Variants in GALNS observed in about 807,000 individuals in gnomAD.
GALNS encodes the protein galactosamine (N-acetyl)-6-sulfatase.
In GALNS, 65 loss-of-function variants were observed where a neutral mutation model predicts 65.9. The ratio of observed to expected loss-of-function variants is 0.99; its 90% CI spans 0.81 to 1.21. The LOEUF (loss-of-function observed/expected upper bound fraction) is 1.21. Among genes scored for constraint, GALNS ranks in the 50% most tolerant of loss-of-function variants. The pLI is 0.00. For synonymous variants in GALNS, 346 were observed against 288.9 expected, an observed-to-expected ratio of 1.20 and a Z score of -2.00; for missense variants, 776 against 700.7, an observed-to-expected ratio of 1.11 and a Z score of -1.21.
At chr16:88,855,694 C>T (rs1967798947) in intron 1 of GALNS, 1 of 593,220 alleles carries the variant, frequency 1.7e-6, no homozygotes, top group Non-Finnish European at 3.0e-6. Context: ...CATTATTTTT[C>T]TTTCACCAAG....
At chr16:88,841,129 C>A (rs1330484022) in intron 3 of GALNS, 35 bp from the exon 4 acceptor site, 12 of 1,548,276 alleles carry the variant, frequency 7.8e-6, no homozygotes, top group Non-Finnish European at 9.8e-6. Context: ...CCCGAGGAGA[C>A]CCCGAGAAGC....
At chr16:88,835,679 G>T (rs1297625729) in intron 7 of GALNS, 46 bp downstream of exon 7, 2 of 1,612,414 alleles carry the variant, frequency 1.2e-6, no homozygotes, top group African/African-American at 2.7e-5. Flanking sequence ...GTCAAGCACA[G>T]CTGGGGCCTC....
chr16:88,826,748 C>T lies in GALNS; in HGVS notation c.1093G>A (p.Gly365Ser). 1 of 1,612,078 alleles carries T rather than the reference C, an allele frequency of 6.2e-7. No homozygotes were observed. The highest frequency in any genetic ancestry group is 8.5e-7 in the Non-Finnish European group (1 of 1,179,588). ...LTPPSDRAID[G>S]LNLLPTLLQG... ...AGGAGGGTGGGGAGGAGGTTGAGGC[C>T]ATCAATGGCCCTGTCGCTGGGCGGC... Residue 365 changes from glycine to serine, a missense_variant, in exon 10 of 14, where the codon GGC (glycine) becomes AGC (serine). By Grantham distance (56) the Gly-to-Ser change is moderately conservative. Transcript: ENST00000268695.
At position 88,813,828 on chromosome 16, in the gene GALNS, T is replaced by C. The variant is rs1135364; in HGVS notation, c.*611A>G. 0.26 allele frequency: 41,344 copies of C among 156,244 alleles called. 5,753 individuals are homozygous for C. The highest frequency in any genetic ancestry group is 0.53 in the East Asian group (2,800 of 5,276). 9.7% of individuals were successfully genotyped at this position (156,244 alleles called of 1,614,324 possible). ...CTACACGCCTCCCTCATAATTAGCG[T>C]CCAGGGAAATTCCTTGTGGACAAAG... On this transcript the variant is annotated 3_prime_UTR_variant, in exon 14 of 14. Transcript: ENST00000268695.
chr16:88,836,597 T>G (rs1377962385), intron 5 of GALNS, among the ~76,000 whole-genome samples: 1 of 150,242 alleles, frequency 6.7e-6, no homozygotes, highest in African/African-American at 2.5e-5. Flanking sequence ...GAGGTTGCAG[T>G]GAGCCGAGAT....
rs1295875241 is a variant in GALNS at position 88,826,793 on chromosome 16, G to C, written c.1048C>G (p.Leu350Val). 1.2e-6 allele frequency: 2 copies of C among 1,600,066 alleles called. No individual in the cohort carries two copies. The highest frequency in any genetic ancestry group is 1.7e-6 in the Non-Finnish European group (2 of 1,174,056). Residue 350 changes from leucine (L) to valine (V), a missense_variant, in exon 10 of 14, where the codon CTG (leucine) becomes GTG (valine). Transcript: ENST00000268695. ...GSIMDLFTTS[L>V]ALAGLTPPSD... ...GGCGGCGTCAGGCCCGCAAGGGCCA[G>C]GCTGGTGGTGAAGAGGTCCATGATG... is the stretch of plus-strand genomic sequence containing the variant.
rs182359717 is a variant in GALNS, at chr16:88,834,644, G to A, written c.898+569C>T. On this transcript the variant is annotated intron_variant, in intron 8 of 13. Coordinates refer to ENST00000268695, the MANE Select transcript of GALNS (RefSeq NM_000512.5). Reference sequence around the variant, plus strand: ...GGAAGAGGCTGCAGGGCCCCCCCCCGCGTGGTCTGGGAAGAGGCGGGTTCA... The same window carrying A: ...GGAAGAGGCTGCAGGGCCCCCCCCCACGTGGTCTGGGAAGAGGCGGGTTCA... Among the ~76,000 whole-genome samples the A allele has an allele frequency of 3.7e-5, 5 of 133,498 alleles. 1 individual carries two copies. The highest frequency in any genetic ancestry group is 5.1e-4 in the South Asian group (2 of 3,934). 87.6% of individuals were successfully genotyped at this position (133,498 alleles called of 152,430 possible).
At chr16:88,831,885 G>A (rs892791719) in intron 9 of GALNS, 113 bp downstream of exon 9, 41 of 851,956 alleles carry the variant, frequency 4.8e-5, no homozygotes, top group Middle Eastern at 3.2e-4. Flanking sequence ...GGAGGAGAGC[G>A]GTGAGGATGA....
intron 10 of GALNS, among the ~76,000 whole-genome samples, chr16:88,826,403 G>A (rs193005099): frequency 1.7e-4 from 26 of 151,788 alleles, no homozygotes; most frequent in African/African-American, 4.4e-4. Flanking sequence ...GGGCAGGGGC[G>A]GCATGTGCCC....
At chr16:88,828,604 G>A (rs908231325) in intron 9 of GALNS, among the ~76,000 whole-genome samples, 2 of 152,218 alleles carry the variant, frequency 1.3e-5, no homozygotes, top group African/African-American at 2.4e-5. Flanking sequence ...AGGCAACTTG[G>A]TGGCTCTGGG....
chr16:88,833,105 A>G (rs1360224092), intron 8 of GALNS, among the ~76,000 whole-genome samples: 2 of 150,920 alleles, frequency 1.3e-5, no homozygotes, highest in African/African-American at 4.9e-5. Flanking sequence ...AAAAAAGAAA[A>G]TATTTTTCCG....
intron 12 of GALNS, among the ~76,000 whole-genome samples, chr16:88,820,975 G>C (rs1036372456): frequency 4.6e-5 from 7 of 152,102 alleles, no homozygotes; most frequent in Admixed American, 3.3e-4. Context: ...TGACTTCTGC[G>C]GGCACAGGGG....
intron 4 of GALNS, among the ~76,000 whole-genome samples, chr16:88,839,124 A>G (rs1912446916): frequency 6.6e-6 from 1 of 151,838 alleles, no homozygotes; most frequent in African/African-American, 2.4e-5. Context: ...TCCGCAGGTC[A>G]CCGCCCAACC....
At chr16:88,819,284 G>A (rs1471527363) in intron 12 of GALNS, among the ~76,000 whole-genome samples, 3 of 151,642 alleles carry the variant, frequency 2.0e-5, no homozygotes, top group Non-Finnish European at 4.4e-5. Context: ...GCGACCTTCA[G>A]GAGAGCTGGG....
rs747150704 is a variant in GALNS at position 88,826,689 on chromosome 16, G to T, written c.1139+13C>A. The T allele has an allele frequency of 6.2e-7, 1 of 1,611,854 alleles. No individual in the cohort carries two copies. Among genetic ancestry groups the T allele is most frequent in the Non-Finnish European group, 8.5e-7 (1 of 1,179,210 alleles). The stretch of plus-strand genomic sequence containing the variant: ...GGATCGGGGGAAGGGGCCGGGGCAG[G>T]TCTAGCACCAACCTGTCCATCAGCC... On this transcript the variant is annotated intron_variant, in intron 10 of 13. Transcript: ENST00000268695.
intron 10 of GALNS, 112 bp from the exon 11 acceptor site, chr16:88,824,981 G>A: frequency 6.0e-6 from 5 of 835,492 alleles, no homozygotes; most frequent in Non-Finnish European, 8.1e-6. Context: ...GTGAGGTCTT[G>A]GTTGATACTT....
At position 88,814,048 on chromosome 16, in the gene GALNS, G is replaced by A. The variant is rs999126027; in HGVS notation, c.*391C>T. 2 of 358,954 alleles carry A rather than the reference G, an allele frequency of 5.6e-6. No homozygotes were observed. The highest frequency in any genetic ancestry group is 7.8e-5 in the Admixed American group (2 of 25,666). The allele number at this position is 358,954 out of a possible 1,614,324, so 22.2% of individuals were successfully genotyped here. On this transcript the variant is annotated 3_prime_UTR_variant, in exon 14 of 14. Transcript: ENST00000268695. ...TTGTGTCTCCCTAAGATGTATAAAG[G>A]CAAACTGTATCCCCAGCCACCTCAG...
At chr16:88,816,081 G>A in intron 13 of GALNS, 3 of 985,430 alleles carry the variant, frequency 3.0e-6, no homozygotes, top group Non-Finnish European at 3.6e-6. Flanking sequence ...GTGGCATCTG[G>A]GCCCCTCAGA....
At position 88,856,680 on chromosome 16, in the gene GALNS, C is replaced by T. The variant is rs1211708944; in HGVS notation, c.120+78G>A. Reference sequence around the variant, plus strand: ...CCCCCCACCCCGCCCGCCCTTCCCCCACCTCGCTCCTCCCTCCATCCGCCC... The same window carrying T: ...CCCCCCACCCCGCCCGCCCTTCCCCTACCTCGCTCCTCCCTCCATCCGCCC... On this transcript the variant is annotated intron_variant, in intron 1 of 13. Transcript: ENST00000268695. 9.4e-6 allele frequency: 5 copies of T among 534,380 alleles called. No homozygotes were observed. The East Asian group carries it at 1.7e-4, about 19-fold the overall frequency. The allele number at this position is 534,380 out of a possible 1,614,324, so 33.1% of individuals were successfully genotyped here.
Sources: gnomAD v4.1 joint callset for allele counts (sites outside exome capture counted in the v4.1 genomes callset) on GRCh38, gnomAD v4.1.1 for gene constraint, MANE v1.5 for transcripts, NCBI Gene and HGNC (gene_info 2026-07-23, HGNC 2026-07-21) for gene names.